Variants in RHOBTB2 observed in about 807,000 individuals in gnomAD.
RHOBTB2 encodes Rho related BTB domain containing 2, also known as rho-related BTB domain-containing protein 2.
A neutral mutation model predicts 66.5 loss-of-function variants in RHOBTB2; 39 were observed. The observed-to-expected ratio is 0.59, with a 90% CI of 0.45 to 0.77. The LOEUF is 0.77. Among genes scored for constraint, RHOBTB2 ranks in the 30% least tolerant of loss-of-function variants. The pLI, the probability that RHOBTB2 is intolerant of heterozygous loss-of-function variation, is 0.00. For synonymous variants in RHOBTB2, 390 were observed against 395.0 expected (o/e 0.99, Z 0.15); for missense variants, 755 against 999.1 (o/e 0.76, Z 3.29).
chr8:23,013,171 T>C (rs1290138389), intron 7 of RHOBTB2, among the ~76,000 whole-genome samples: 7 of 152,036 alleles, frequency 4.6e-5, no homozygotes, highest in Admixed American at 3.3e-4. Flanking sequence ...CAGCCTCAAG[T>C]GATCCTCCCA....
chr8:22,980,431 T>C, the RHOBTB2 span, among the ~76,000 whole-genome samples: 1 of 152,218 alleles, frequency 6.6e-6, no homozygotes, highest in African/African-American at 2.4e-5. Flanking sequence ...TTTCATGAAT[T>C]ATAACTGCAT....
the RHOBTB2 span, among the ~76,000 whole-genome samples, chr8:22,953,395 T>C: frequency 7.4e-6 from 1 of 135,628 alleles, no homozygotes; most frequent in Non-Finnish European, 1.6e-5. Flanking sequence ...AGTCTGACCA[T>C]CACTTGATGA....
Position 23,006,635 on chromosome 8 carries a change from C to G in RHOBTB2, c.483-93C>G. 1.5e-6 allele frequency: 2 copies of G among 1,297,856 alleles called. No homozygotes were observed. The highest frequency in any genetic ancestry group is 2.2e-6 in the Non-Finnish European group (2 of 926,164). The allele number at this position is 1,297,856 out of a possible 1,614,324, so 80.4% of individuals were successfully genotyped here. A position where few individuals can be genotyped will look rare whatever the true frequency, so the allele number is the denominator to read the frequency against. The stretch of plus-strand genomic sequence containing the variant: ...GCAGGAGTGGGTGGGGATTGGCACC[C>G]AGATCCTGAGCAGAGTCCCTCCAGC... On this transcript the variant is annotated intron_variant, in intron 4 of 9. Coordinates refer to ENST00000251822, the MANE Select transcript of RHOBTB2 (RefSeq NM_015178.3). The surrounding 1 kb of genome is among the most constrained non-coding windows in gnomAD (Gnocchi z 6.1).
Position 23,006,918 on chromosome 8 carries a change from C to T in RHOBTB2, c.673C>T (p.Gln225Ter). 1 of 1,613,900 alleles carries T rather than the reference C, an allele frequency of 6.2e-7. No homozygotes were observed. Among genetic ancestry groups the T allele is most frequent in the Non-Finnish European group, 8.5e-7 (1 of 1,180,008 alleles). ...QFWKSHLRNV[Q>*]RPLLQAPFLP... ...CTGGAAGTCCCACCTCCGCAATGTG[C>T]AGCGGCCTCTGCTGCAGGCACCCTT... The change falls in exon 5 of 10, where the codon CAG (glutamine) becomes TAG (stop). Residue 225 changes from glutamine (Q) to a stop codon, truncating the protein, a stop_gained. Coordinates refer to ENST00000251822, the MANE Select transcript of RHOBTB2 (RefSeq NM_015178.3). LOFTEE classifies it high-confidence loss of function. This position sits in a 1 kb window ranked among gnomAD's most constrained non-coding sequence, Gnocchi z 6.1.
intron 7 of RHOBTB2, among the ~76,000 whole-genome samples, chr8:23,013,347 C>T (rs1477326408): frequency 6.6e-6 from 1 of 152,034 alleles, no homozygotes; most frequent in Non-Finnish European, 1.5e-5. Context: ...CTCACAGACC[C>T]CTCTCTCCTC....
upstream of RHOBTB2, among the ~76,000 whole-genome samples, chr8:22,984,379 G>A (rs1471681494): frequency 6.6e-6 from 1 of 152,216 alleles, no homozygotes; most frequent in Non-Finnish European, 1.5e-5. Flanking sequence ...GCAGTGTATT[G>A]ATTGTGTAAT....
At chr8:22,991,752 G>T (rs1464731552) in intron 1 of RHOBTB2, among the ~76,000 whole-genome samples, 1 of 152,312 alleles carries the variant, frequency 6.6e-6, no homozygotes, top group Non-Finnish European at 1.5e-5. Flanking sequence ...GTCCAGCCTG[G>T]AACTCTGCAA....
At chr8:22,964,292 C>A in the RHOBTB2 span, among the ~76,000 whole-genome samples, 188 of 152,162 alleles carry the variant, frequency 1.2e-3, 1 homozygote, top group African/African-American at 4.2e-3. Context: ...ATAGCCAAAC[C>A]ATATCACCTT....
Position 23,007,992 on chromosome 8 carries a change from G to A in RHOBTB2, c.1502-1G>A, listed in dbSNP as rs2128805174. ...CCTCCTGTGATGCTTCTTCTGGACAGATGTGACCTTCATCCTGGATGATGG... is the reference window on the plus strand; with the variant it reads ...CCTCCTGTGATGCTTCTTCTGGACAAATGTGACCTTCATCCTGGATGATGG... On this transcript the variant is annotated splice_acceptor_variant, in intron 5 of 9. Coordinates refer to ENST00000251822, the MANE Select transcript of RHOBTB2 (RefSeq NM_015178.3). LOFTEE classifies it high-confidence loss of function. 1.9e-6 allele frequency: 3 copies of A among 1,613,168 alleles called. No individual in the cohort carries two copies. The highest frequency in any genetic ancestry group is 2.5e-6 in the Non-Finnish European group (3 of 1,179,220).
chr8:22,969,287 G>A, the RHOBTB2 span, among the ~76,000 whole-genome samples: 318 of 152,244 alleles, frequency 2.1e-3, 2 homozygotes, highest in Middle Eastern at 3.4e-3. Flanking sequence ...ACCTCTCACC[G>A]AGTCCCTTCC....
chr8:22,970,206 T>C, the RHOBTB2 span, among the ~76,000 whole-genome samples: 1 of 152,196 alleles, frequency 6.6e-6, no homozygotes, highest in Non-Finnish European at 1.5e-5. Context: ...GCACATCTGG[T>C]GAGCGCTGCT....
In RHOBTB2 at chr8:22,993,159, T is replaced by C. The variant is rs741461; in HGVS notation, c.-24+979T>C. On this transcript the variant is annotated intron_variant, in intron 2 of 11. Transcript: ENST00000519685. ...GATTTATGGGATTTTTCTTTTTTTC[T>C]TTCTTTTTTTTTGAGGGGAGAATGT... 7.7e-3 allele frequency among the ~76,000 whole-genome samples: 1,176 copies of C among 152,344 alleles called. 3 individuals carry two copies. The highest frequency in any genetic ancestry group is 0.014 in the Non-Finnish European group (946 of 68,030).
chr8:22,984,441 T>C (rs1277028881), upstream of RHOBTB2, among the ~76,000 whole-genome samples: 2 of 152,348 alleles, frequency 1.3e-5, no homozygotes, highest in African/African-American at 4.8e-5. Context: ...ATGACTTAGA[T>C]ATGTGTAATA....
chr8:23,019,824 C>T lies in RHOBTB2; in HGVS notation c.*2355C>T, dbSNP rs138809331. On this transcript the variant is annotated 3_prime_UTR_variant, in exon 10 of 10. Transcript: ENST00000251822. ...GAGAGCTGTCGGAACCAGATGCAACCCGGCAGCCCAGAGAACTCTCCTGGG... is the reference window on the plus strand; with the variant it reads ...GAGAGCTGTCGGAACCAGATGCAACTCGGCAGCCCAGAGAACTCTCCTGGG... The T allele has an allele frequency of 1.7e-3, 276 of 163,794 alleles. 2 individuals carry two copies. The highest frequency in any genetic ancestry group is 0.011 in the South Asian group (70 of 6,512). 10.1% of individuals were successfully genotyped at this position (163,794 alleles called of 1,614,324 possible). A position where few individuals can be genotyped will look rare whatever the true frequency, so the allele number is the denominator to read the frequency against.
At chr8:22,989,174 GTC>G (rs1407065425) in intron 1 of RHOBTB2, among the ~76,000 whole-genome samples, 2 of 152,068 alleles carry the variant, frequency 1.3e-5, no homozygotes, top group Non-Finnish European at 2.9e-5. Context: ...TTGAGACTGA[GTC>G]TCTCTGTGTC....
chr8:23,010,810 A>G, intron 7 of RHOBTB2, 122 bp downstream of exon 7: 10 of 1,067,972 alleles, frequency 9.4e-6, no homozygotes, highest in East Asian at 2.4e-5. Flanking sequence ...CTAAGCGTAC[A>G]TGAAATGGAA....
Position 23,004,233 on chromosome 8 carries a change from C to G in RHOBTB2, c.-10-192C>G, listed in dbSNP as rs1405022760. 1.6e-6 allele frequency: 1 copy of G among 606,724 alleles called. No homozygotes were observed. Among genetic ancestry groups the G allele is most frequent in the Non-Finnish European group, 3.0e-6 (1 of 338,594 alleles). The allele number at this position is 606,724 out of a possible 1,614,324, so 37.6% of individuals were successfully genotyped here. ...CATCTGGTGACACTGCTCCTCTCAG[C>G]CTGAATGGGCTCCTGGCCCCTTGGA... On this transcript the variant is annotated intron_variant, in intron 1 of 9. Coordinates refer to ENST00000251822, the MANE Select transcript of RHOBTB2 (RefSeq NM_015178.3). This position sits in a 1 kb window ranked among gnomAD's most constrained non-coding sequence, Gnocchi z 6.4.
At chr8:22,979,234 A>C in the RHOBTB2 span, among the ~76,000 whole-genome samples, 1 of 152,198 alleles carries the variant, frequency 6.6e-6, no homozygotes, top group Non-Finnish European at 1.5e-5. Context: ...TTTCAAAATA[A>C]TTAATTTGTT....
In RHOBTB2 at chr8:23,006,087, T is replaced by C. The variant is rs201985220; in HGVS notation, c.424T>C (p.Leu142=). Residue 142 remains leucine, a synonymous_variant, in exon 4 of 10, where the codon TTG becomes CTG. Transcript: ENST00000251822. This position sits in a 1 kb window ranked among gnomAD's most constrained non-coding sequence, Gnocchi z 6.1. ...RAPVILVGCQ[L]DLRYADLEAV... is the part of the protein sequence containing the mutation. Reference sequence around the variant, plus strand: ...ACCTGTCATCTTGGTGGGCTGCCAGTTGGACCTGCGCTACGCTGACCTGGA... The same window carrying C: ...ACCTGTCATCTTGGTGGGCTGCCAGCTGGACCTGCGCTACGCTGACCTGGA... 1.9e-6 allele frequency: 3 copies of C among 1,614,092 alleles called. No individual in the cohort carries two copies. The highest frequency in any genetic ancestry group is 2.2e-5 in the East Asian group (1 of 44,876).
Sources: gnomAD v4.1 joint callset for allele counts (sites outside exome capture counted in the v4.1 genomes callset) on GRCh38, gnomAD v4.1.1 for gene constraint, Gnocchi (gnomAD v3.1) non-coding constraint, MANE v1.5 for transcripts, NCBI Gene and HGNC (gene_info 2026-07-23, HGNC 2026-07-21) for gene names.